The following DSP variants were observed in gnomAD, a reference collection of about 807,000 sequenced individuals.
The protein encoded by DSP is 250/210 kDa paraneoplastic pemphigus antigen.
In DSP, 114 loss-of-function variants were observed where a neutral mutation model predicts 290.6. That is an observed-to-expected ratio of 0.39 (90% CI 0.34 to 0.46). DSP has a LOEUF of 0.46. Among genes scored for constraint, DSP ranks in the 20% least tolerant of loss-of-function variants. The pLI, the probability that DSP is intolerant of heterozygous loss-of-function variation, is 0.99. For missense variants in DSP, 3,230 were observed against 3,495.8 expected (o/e 0.92, Z 1.92); for synonymous variants, 1,311 against 1,316.4 (o/e 1.00, Z 0.09).
intron 4 of DSP, 141 bp downstream of exon 4, chr6:7,559,541 T>C: frequency 9.5e-7 from 1 of 1,051,132 alleles, no homozygotes; most frequent in Non-Finnish European, 1.4e-6. Flanking sequence ...ATTTTCCTCC[T>C]ATACAATTTG....
chr6:7,580,684 A>G lies in DSP; in HGVS notation c.4494A>G (p.Lys1498=), dbSNP rs1182511839. The G allele has an allele frequency of 6.2e-7, 1 of 1,613,976 alleles. No individual in the cohort carries two copies. The highest frequency in any genetic ancestry group is 1.3e-5 in the African/African-American group (1 of 74,944). ...QLIDKETNDR[K]CLEDENARLQ... ...TCGACAAAGAAACAAATGACCGGAA[A>G]TGCCTGGAAGATGAAAACGCGAGAT... The change falls in exon 23 of 24, where the codon AAA becomes AAG. Residue 1498 remains lysine (K), a synonymous_variant. Transcript: ENST00000379802. This position sits in a 1 kb window ranked among gnomAD's most constrained non-coding sequence, Gnocchi z 4.2.
chr6:7,558,386 G>A (rs1430504726), intron 3 of DSP, 122 bp downstream of exon 3: 21 of 1,416,308 alleles, frequency 1.5e-5, no homozygotes, highest in Non-Finnish European at 2.0e-5. Context: ...CCAAGGAAAG[G>A]TTTGCTTACT....
Position 7,584,477 on chromosome 6 carries a change from C to T in DSP, c.7215C>T (p.Leu2405=), listed in dbSNP as rs191226040. The T allele has an allele frequency of 1.6e-5, 26 of 1,614,170 alleles. No individual in the cohort carries two copies. Among genetic ancestry groups the T allele is most frequent in the East Asian group, 2.2e-5 (1 of 44,884 alleles). Reference sequence around the variant, plus strand: ...TCAATGAGGAACTCAGTGAGATTCTCTCAGATCCAAGTGATGATACCAAAG... The same window carrying T: ...TCAATGAGGAACTCAGTGAGATTCTTTCAGATCCAAGTGATGATACCAAAG... The part of the protein sequence containing the change: ...GYFNEELSEI[L]SDPSDDTKGF... Residue 2405 remains leucine, a synonymous_variant, in exon 24 of 24, where the codon CTC becomes CTT. Transcript: ENST00000379802. This position sits in a 1 kb window ranked among gnomAD's most constrained non-coding sequence, Gnocchi z 6.4.
chr6:7,566,236 T>C, intron 7 of DSP, 141 bp from the exon 8 acceptor site: 1 of 735,246 alleles, frequency 1.4e-6, no homozygotes, highest in South Asian at 1.5e-5. Context: ...ATGCTGTGAT[T>C]CTTGAGGAAA....
chr6:7,585,550 G>A lies in DSP; in HGVS notation c.8288G>A (p.Arg2763Lys). The change falls in exon 24 of 24, where the codon AGG becomes AAG. Residue 2763 changes from arginine to lysine, a missense_variant. Arg to Lys is a conservative substitution (Grantham distance 26, BLOSUM62 2). Transcript: ENST00000379802. ...KGFIDGRAAQ[R>K]LQDTSSYAKI... The stretch of plus-strand genomic sequence containing the variant: ...TTCATAGATGGCCGCGCCGCACAGA[G>A]GCTGCAAGACACCAGCAGCTATGCC... 6.2e-7 allele frequency: 1 copy of A among 1,614,124 alleles called. No individual in the cohort carries two copies. Among genetic ancestry groups the A allele is most frequent in the Non-Finnish European group, 8.5e-7 (1 of 1,180,028 alleles).
chr6:7,571,684 CTA>C, intron 14 of DSP, 100 bp downstream of exon 14: 1 of 1,515,730 alleles, frequency 6.6e-7, no homozygotes, highest in Non-Finnish European at 9.1e-7. Context: ...TCTCTGAATG[CTA>C]TATAGCCAGT....
At chr6:7,542,404 C>A (rs1359635837) in intron 1 of DSP, among the ~76,000 whole-genome samples, 1 of 152,168 alleles carries the variant, frequency 6.6e-6, no homozygotes, top group African/African-American at 2.4e-5. Flanking sequence ...CCGCCTTTGT[C>A]CCAGCCCGCG....
rs191778417 is a variant in DSP, at chr6:7,580,940, G to C, written c.4750G>C (p.Ala1584Pro). 6.2e-7 allele frequency: 1 copy of C among 1,614,078 alleles called. No individual in the cohort carries two copies. Among genetic ancestry groups the C allele is most frequent in the Non-Finnish European group, 8.5e-7 (1 of 1,180,014 alleles). ...GGAGCTGAATCGGCTGAAGAGGACC[G>C]CGTCAGAAGACTCCTGCAAGAGGAA... ...EEELNRLKRT[A>P]SEDSCKRKKL... The change falls in exon 23 of 24, where the codon GCG (alanine) becomes CCG (proline). Residue 1584 changes from alanine to proline, a missense_variant. This residue lies in a region of DSP where 1,714 missense variants were observed against 1,844.5 expected (regional missense o/e 0.93). Transcript: ENST00000379802. The surrounding 1 kb of genome is among the most constrained non-coding windows in gnomAD (Gnocchi z 4.2).
chr6:7,542,092 A>G lies in DSP; in HGVS notation c.170+7A>G, dbSNP rs1250839557. The G allele has an allele frequency of 3.2e-6, 5 of 1,556,044 alleles. No homozygotes were observed. Among genetic ancestry groups the G allele is most frequent in the Non-Finnish European group, 4.3e-6 (5 of 1,150,076 alleles). ...AGAACTCGGACGGCTACTGGTGGGT[A>G]CCTGCCCGGAGAGCGCGGGCTGCGG... is the stretch of plus-strand genomic sequence containing the variant. On this transcript the variant is annotated splice_region_variant and intron_variant, in intron 1 of 23. Coordinates refer to ENST00000379802, the MANE Select transcript of DSP (RefSeq NM_004415.4).
rs978205443 is a variant in DSP, at chr6:7,541,776, G to C, written c.-140G>C. On this transcript the variant is annotated 5_prime_UTR_variant, in exon 1 of 24. Coordinates refer to ENST00000379802, the MANE Select transcript of DSP (RefSeq NM_004415.4). ...GCGGCCTCGGGAGGGCCCAGGTAGCGAGCAGCGACCTCGCGAGCCTTCCGC... is the reference window on the plus strand; with the variant it reads ...GCGGCCTCGGGAGGGCCCAGGTAGCCAGCAGCGACCTCGCGAGCCTTCCGC... The C allele has an allele frequency of 8.9e-7, 1 of 1,125,032 alleles. No homozygotes were observed. The highest frequency in any genetic ancestry group is 1.2e-6 in the Non-Finnish European group (1 of 819,260). 69.7% of individuals were successfully genotyped at this position (1,125,032 alleles called of 1,614,324 possible). A position where few individuals can be genotyped will look rare whatever the true frequency, so the allele number is the denominator to read the frequency against.
chr6:7,570,700 T>G (rs1182225686), intron 13 of DSP, 137 bp downstream of exon 13: 3 of 1,248,246 alleles, frequency 2.4e-6, no homozygotes, highest in East Asian at 2.4e-5. Flanking sequence ...TCAGCCCTCC[T>G]TAGAGGTTCT....
rs757029634 is a variant in DSP, at chr6:7,580,032, G to C, written c.3842G>C (p.Gly1281Ala). ...EENALQQKAC[G>A]SEIMQKKQHL... The stretch of plus-strand genomic sequence containing the variant: ...AACGCCCTTCAGCAAAAGGCCTGTG[G>C]CTCTGAGATAATGCAGAAGAAGCAG... The change falls in exon 23 of 24, where the codon GGC (glycine) becomes GCC (alanine). Residue 1281 changes from glycine (G) to alanine (A), a missense_variant. Coordinates refer to ENST00000379802, the MANE Select transcript of DSP (RefSeq NM_004415.4). The surrounding 1 kb of genome is among the most constrained non-coding windows in gnomAD (Gnocchi z 4.2). The C allele has an allele frequency of 6.2e-7, 1 of 1,614,148 alleles. No homozygotes were observed.
In DSP at chr6:7,575,437, T is replaced by A. The variant is rs1759210178; in HGVS notation, c.2579T>A (p.Val860Asp). ...DLDLGKFGEK[V>D]TQLTDRWQRI... is the part of the protein sequence containing the mutation. ...GACTTGGGCAAGTTCGGTGAAAAAG[T>A]CACACAGCTGACAGACCGCTGGCAA... Residue 860 changes from valine to aspartate, a missense_variant, in exon 18 of 24, where the codon GTC (valine) becomes GAC (aspartate). Physicochemically the swap from Val to Asp is radical, Grantham distance 152. Around this residue, in one of 5 missense-constraint regions of DSP, gnomAD observed 1,714 missense variants for 1,844.5 expected, o/e 0.93. Coordinates refer to ENST00000379802, the MANE Select transcript of DSP (RefSeq NM_004415.4). The A allele has an allele frequency of 6.2e-7, 1 of 1,614,184 alleles. No individual in the cohort carries two copies. Among genetic ancestry groups the A allele is most frequent in the Non-Finnish European group, 8.5e-7 (1 of 1,180,018 alleles).
At chr6:7,553,083 C>G in intron 1 of DSP, among the ~76,000 whole-genome samples, 1 of 152,170 alleles carries the variant, frequency 6.6e-6, no homozygotes, top group Non-Finnish European at 1.5e-5. Flanking sequence ...AGAAAAGTTA[C>G]AAAATAGTAC....
chr6:7,542,791 G>A (rs1758042307), intron 1 of DSP, among the ~76,000 whole-genome samples: 1 of 152,242 alleles, frequency 6.6e-6, no homozygotes, highest in Non-Finnish European at 1.5e-5. Context: ...CCGCGCCGCA[G>A]CCCCCGCGGG....
At chr6:7,558,045 T>A in intron 2 of DSP, 71 bp from the exon 3 acceptor site, 1 of 1,580,630 alleles carries the variant, frequency 6.3e-7, no homozygotes, top group Non-Finnish European at 8.7e-7. Flanking sequence ...AAGCTCTTGC[T>A]TCCATTAATG....
rs727504657 is a variant in DSP, at chr6:7,575,398, C to G, written c.2540C>G (p.Pro847Arg). Residue 847 changes from proline to arginine, a missense_variant, in exon 18 of 24, where the codon CCA (proline) becomes CGA (arginine). Pro to Arg is a moderately radical substitution (Grantham distance 103). This residue lies in a region of DSP where 1,714 missense variants were observed against 1,844.5 expected (regional missense o/e 0.93). Coordinates refer to ENST00000379802, the MANE Select transcript of DSP (RefSeq NM_004415.4). Reference protein sequence around the residue: ...QIHSQTSQQYPLYDLDLGKFG... With the variant: ...QIHSQTSQQYRLYDLDLGKFG... Reference sequence around the variant, plus strand: ...CACTCTCAGACTTCACAGCAGTATCCACTTTATGATCTGGACTTGGGCAAG... The same window carrying G: ...CACTCTCAGACTTCACAGCAGTATCGACTTTATGATCTGGACTTGGGCAAG... 5.6e-6 allele frequency: 9 copies of G among 1,614,134 alleles called. No individual in the cohort carries two copies. The East Asian group carries it at 2.0e-4, about 36-fold the overall frequency.
chr6:7,581,618 T>C, intron 23 of DSP, 49 bp downstream of exon 23: 2 of 1,605,544 alleles, frequency 1.2e-6, no homozygotes, highest in South Asian at 2.2e-5. Flanking sequence ...AAATTATTCA[T>C]CACATTATTA....
At chr6:7,558,599 C>T (rs1410281520) in intron 3 of DSP, among the ~76,000 whole-genome samples, 4 of 150,664 alleles carry the variant, frequency 2.7e-5, no homozygotes, top group Non-Finnish European at 5.9e-5. Context: ...GCCGCAGCCT[C>T]AACCTCCTGG....
Sources: gnomAD v4.1 joint callset for allele counts (sites outside exome capture counted in the v4.1 genomes callset) on GRCh38, gnomAD v4.1.1 for gene constraint, gnomAD v4.1.1 regional missense constraint, Gnocchi (gnomAD v3.1) non-coding constraint, MANE v1.5 for transcripts, NCBI Gene and HGNC (gene_info 2026-07-23, HGNC 2026-07-21) for gene names.